The following BEST4 variants were observed in gnomAD, a reference collection of about 807,000 sequenced individuals.
BEST4 encodes the protein bestrophin-4.
In BEST4, 36 loss-of-function variants were observed where a neutral mutation model predicts 47.1. The observed-to-expected ratio is 0.76, with a 90% CI of 0.59 to 1.01. BEST4 has a LOEUF of 1.01. Ranked by LOEUF, BEST4 falls within the 50% of genes least tolerant of loss-of-function variation. The pLI is 0.00. For synonymous variants in BEST4, 250 were observed against 277.8 expected (o/e 0.90, Z 1.00); for missense variants, 550 against 648.6 (o/e 0.85, Z 1.65).
chr1:44,784,657 A>T lies in BEST4; in HGVS notation c.1120T>A (p.Ser374Thr). ...VATAAESLRP[S>T]FLGSTFNLRM... ...AGGTTGAAGGTGGAGCCCAGGAATGAGGGCCGCAGAGACTCGGCCGCCGTG... is the reference window on the plus strand; with the variant it reads ...AGGTTGAAGGTGGAGCCCAGGAATGTGGGCCGCAGAGACTCGGCCGCCGTG... The change falls in exon 8 of 9, where the codon TCA becomes ACA. Residue 374 changes from serine to threonine, a missense_variant. Around this residue, in one of 3 missense-constraint regions of BEST4, gnomAD observed 255 missense variants for 286.6 expected, o/e 0.89. Coordinates refer to ENST00000372207, the MANE Select transcript of BEST4 (RefSeq NM_153274.3). This position sits in a 1 kb window ranked among gnomAD's most constrained non-coding sequence, Gnocchi z 6.2. The T allele has an allele frequency of 6.2e-7, 1 of 1,613,494 alleles. No homozygotes were observed. Among genetic ancestry groups the T allele is most frequent in the South Asian group, 1.1e-5 (1 of 91,040 alleles).
Position 44,787,804 on chromosome 1 carries a change from C to T in BEST4, c.-99G>A. On this transcript the variant is annotated 5_prime_UTR_variant, in exon 1 of 9. An upstream open reading frame in the 5' UTR gains an earlier in-frame stop. Coordinates refer to ENST00000372207, the MANE Select transcript of BEST4 (RefSeq NM_153274.3). ...CCTTCCACTCTGGTCTCACACACCCCAGCCTTCACCCTGCGTCAGTGGACA... is the reference window on the plus strand; with the variant it reads ...CCTTCCACTCTGGTCTCACACACCCTAGCCTTCACCCTGCGTCAGTGGACA... The T allele has an allele frequency of 7.0e-7, 1 of 1,421,154 alleles. No individual in the cohort carries two copies. Among genetic ancestry groups the T allele is most frequent in the Non-Finnish European group, 9.7e-7 (1 of 1,032,688 alleles). The allele number at this position is 1,421,154 out of a possible 1,614,324, so 88.0% of individuals were successfully genotyped here. A position where few individuals can be genotyped will look rare whatever the true frequency, so the allele number is the denominator to read the frequency against.
At chr1:44,785,989 A>C in intron 4 of BEST4, 85 bp downstream of exon 4, 1 of 1,487,856 alleles carries the variant, frequency 6.7e-7, no homozygotes, top group South Asian at 1.3e-5. Context: ...AGCTGATGCC[A>C]TACAACTGTT....
In BEST4 at chr1:44,786,174, T is replaced by C. The variant is rs1484753171; in HGVS notation, c.536A>G (p.Asn179Ser). ...KKFESLKSDF[N>S]KYWVPCVWFT... ...CCAGACGCAGGGGACCCAGTACTTGTTGAAGTCGGATTTCAGGCTCTCAAA... is the reference window on the plus strand; with the variant it reads ...CCAGACGCAGGGGACCCAGTACTTGCTGAAGTCGGATTTCAGGCTCTCAAA... The change falls in exon 4 of 9, where the codon AAC becomes AGC. Residue 179 changes from asparagine (N) to serine (S), a missense_variant. Coordinates refer to ENST00000372207, the MANE Select transcript of BEST4 (RefSeq NM_153274.3). The surrounding 1 kb of genome is among the most constrained non-coding windows in gnomAD (Gnocchi z 4.9). 2.0e-5 allele frequency: 33 copies of C among 1,614,014 alleles called. No individual in the cohort carries two copies. Among genetic ancestry groups the C allele is most frequent in the African/African-American group, 4.0e-5 (3 of 74,946 alleles).
chr1:44,789,324 C>G (rs192295789), upstream of BEST4, among the ~76,000 whole-genome samples: 1 of 147,778 alleles, frequency 6.8e-6, no homozygotes, highest in South Asian at 2.2e-4. Context: ...CGCTTGAACC[C>G]GGGAGGGAGA....
upstream of BEST4, among the ~76,000 whole-genome samples, chr1:44,788,975 A>G (rs185653990): frequency 5.3e-5 from 8 of 152,312 alleles, no homozygotes; most frequent in East Asian, 1.5e-3. Context: ...TTCCGCTGCC[A>G]GGCAAGGTGG....
rs1164969006 is a variant in BEST4, at chr1:44,785,716, G to A, written c.637-40C>T. The A allele has an allele frequency of 3.3e-6, 5 of 1,518,164 alleles. No homozygotes were observed. The Middle Eastern group carries it at 5.0e-4, about 153-fold the overall frequency. 94.0% of individuals were successfully genotyped at this position (1,518,164 alleles called of 1,614,324 possible). A position where few individuals can be genotyped will look rare whatever the true frequency, so the allele number is the denominator to read the frequency against. ...GGAACAGGAAGTCAGCAGAGGTGAG[G>A]AAGGAACAGGGGTGCCCAGCACAAA... On this transcript the variant is annotated intron_variant, in intron 4 of 8. Coordinates refer to ENST00000372207, the MANE Select transcript of BEST4 (RefSeq NM_153274.3).
Position 44,786,813 on chromosome 1 carries a change from G to T in BEST4, c.248-117C>A. 1 of 778,688 alleles carries T rather than the reference G, an allele frequency of 1.3e-6. No homozygotes were observed. The allele number at this position is 778,688 out of a possible 1,614,324, so 48.2% of individuals were successfully genotyped here. On this transcript the variant is annotated intron_variant, in intron 2 of 8. Transcript: ENST00000372207. The surrounding 1 kb of genome is among the most constrained non-coding windows in gnomAD (Gnocchi z 4.9). ...CAGGCCAGTTGAATCGTGGCAGGGG[G>T]AAGGAAACATTCAGCTCCAGTGCCC... is the stretch of plus-strand genomic sequence containing the variant.
At chr1:44,792,427 A>C (rs1259965193), upstream of BEST4, among the ~76,000 whole-genome samples, 3 of 50,444 alleles carry the variant, frequency 5.9e-5, no homozygotes, top group Admixed American at 1.8e-4. Flanking sequence ...ACTCCATCTC[A>C]AAAAAAAAAA....
At chr1:44,785,336 G>T (rs899334794) in intron 5 of BEST4, 31 bp from the exon 6 acceptor site, 1 of 1,541,312 alleles carries the variant, frequency 6.5e-7, no homozygotes, top group African/African-American at 1.4e-5. Flanking sequence ...CTCAGTGCAG[G>T]ATGCAGCGGG....
upstream of BEST4, among the ~76,000 whole-genome samples, chr1:44,788,305 C>A (rs1472895561): frequency 1.3e-5 from 2 of 152,228 alleles, no homozygotes; most frequent in Non-Finnish European, 2.9e-5. Context: ...TGTCTCCTTA[C>A]CCCTGTAGGG....
At chr1:44,782,591 T>C (rs1388092540), downstream of BEST4, among the ~76,000 whole-genome samples, 1 of 151,952 alleles carries the variant, frequency 6.6e-6, no homozygotes, top group Non-Finnish European at 1.5e-5. Flanking sequence ...GATCAGGCCA[T>C]TGCACTCCAG....
rs751664843 is a variant in BEST4 at position 44,785,099 on chromosome 1, A to G, written c.912+9T>C. 6.2e-7 allele frequency: 1 copy of G among 1,612,384 alleles called. No homozygotes were observed. Among genetic ancestry groups the G allele is most frequent in the Admixed American group, 1.7e-5 (1 of 59,834 alleles). On this transcript the variant is annotated intron_variant, in intron 6 of 8. Coordinates refer to ENST00000372207, the MANE Select transcript of BEST4 (RefSeq NM_153274.3). The stretch of plus-strand genomic sequence containing the variant: ...AGAGCAGGCTGGCATGCCCATCTGC[A>G]GTGCCCACCTTGAGCCAGCCAGCAT...
At chr1:44,792,059 A>C (rs1272909567), upstream of BEST4, among the ~76,000 whole-genome samples, 1 of 152,160 alleles carries the variant, frequency 6.6e-6, no homozygotes, top group Non-Finnish European at 1.5e-5. Context: ...CCTGACAAAC[A>C]TGGAGAAACC....
In BEST4 at chr1:44,785,299, T is replaced by C. The variant is rs1187156864; in HGVS notation, c.721A>G (p.Thr241Ala). The C allele has an allele frequency of 1.3e-6, 2 of 1,593,492 alleles. No homozygotes were observed. The highest frequency in any genetic ancestry group is 1.7e-5 in the Admixed American group (1 of 57,196). ...SIPLVYTQVV[T>A]IAVYSFFALS... ...GCAAAGAAAGAGTAGACGGCTATGG[T>C]CACCACCTGGAGAATGAAGAGCCAG... Residue 241 changes from threonine to alanine, a missense_variant, in exon 6 of 9, where the codon ACC (threonine) becomes GCC (alanine). By Grantham distance (58) the Thr-to-Ala change is moderately conservative. Transcript: ENST00000372207.
downstream of BEST4, among the ~76,000 whole-genome samples, chr1:44,783,213 C>T (rs1411316308): frequency 1.3e-5 from 2 of 152,222 alleles, no homozygotes; most frequent in Admixed American, 1.3e-4. Flanking sequence ...CCTTGGCCTC[C>T]CAAAGTGCTG....
intron 2 of BEST4, 58 bp downstream of exon 2, chr1:44,787,313 AC>A: frequency 6.4e-7 from 1 of 1,564,040 alleles, no homozygotes; most frequent in Non-Finnish European, 8.8e-7. Flanking sequence ...TGTCAACCCA[AC>A]CCAGAGGTCA....
At chr1:44,792,161 G>A (rs1414327710), upstream of BEST4, among the ~76,000 whole-genome samples, 4 of 152,184 alleles carry the variant, frequency 2.6e-5, no homozygotes, top group South Asian at 6.2e-4. Context: ...AGAATCGCTT[G>A]AACCTGGGAG....
At chr1:44,790,850 G>A (rs1044358578), upstream of BEST4, among the ~76,000 whole-genome samples, 6 of 152,172 alleles carry the variant, frequency 3.9e-5, no homozygotes, top group South Asian at 1.2e-3. Flanking sequence ...GTTTGAGGCT[G>A]CAGTGAGCCA....
rs535925442 is a variant in BEST4, at chr1:44,786,399, T to C, written c.481+64A>G. ...CTGGAGGCCCCTGCTCCCAGGACTCTCCCAGGCGCCACCTGCATCCGGCTG... is the reference window on the plus strand; with the variant it reads ...CTGGAGGCCCCTGCTCCCAGGACTCCCCCAGGCGCCACCTGCATCCGGCTG... On this transcript the variant is annotated intron_variant, in intron 3 of 8. Coordinates refer to ENST00000372207, the MANE Select transcript of BEST4 (RefSeq NM_153274.3). The surrounding 1 kb of genome is among the most constrained non-coding windows in gnomAD (Gnocchi z 4.9). 77 of 1,446,178 alleles carry C rather than the reference T, an allele frequency of 5.3e-5. 2 individuals carry two copies. The South Asian group carries it at 1.0e-3, about 19-fold the overall frequency. The allele number at this position is 1,446,178 out of a possible 1,614,324, so 89.6% of individuals were successfully genotyped here.
Sources: gnomAD v4.1 joint callset for allele counts (sites outside exome capture counted in the v4.1 genomes callset) on GRCh38, gnomAD v4.1.1 for gene constraint, gnomAD v4.1.1 regional missense constraint, Gnocchi (gnomAD v3.1) non-coding constraint, MANE v1.5 for transcripts, NCBI Gene and HGNC (gene_info 2026-07-23, HGNC 2026-07-21) for gene names.